Variants in ITFG1 observed in about 807,000 individuals in gnomAD.
The protein encoded by ITFG1 is integrin alpha FG-GAP repeat containing 1.
A neutral mutation model predicts 81.8 loss-of-function variants in ITFG1; 34 were observed. The ratio of observed to expected loss-of-function variants is 0.42; its 90% CI spans 0.32 to 0.55. The LOEUF (loss-of-function observed/expected upper bound fraction) is 0.55, where lower values mean the gene tolerates loss of function less well. ITFG1 is among the 20% of genes least tolerant of loss of function. The pLI is 0.17. For synonymous variants in ITFG1, 285 were observed against 270.6 expected (o/e 1.05, Z -0.52); for missense variants, 672 against 755.4 (o/e 0.89, Z 1.29).
rs758248361 is a variant in ITFG1, at chr16:47,155,741, C to T, written c.1817G>A (p.Arg606Gln). Residue 606 changes from arginine (R) to glutamine (Q), a missense_variant, in exon 18 of 18, where the codon CGG becomes CAG. Transcript: ENST00000320640. The stretch of plus-strand genomic sequence containing the variant: ...AAGTCACATAGCATCAAAATGAAAC[C>T]GGTGGGCTTCTTGTCGTTTTTCTCT... ...DDREKRQEAH[R>Q]FHFDAM 13 of 1,605,784 alleles carry T rather than the reference C, an allele frequency of 8.1e-6. No individual in the cohort carries two copies. The highest frequency in any genetic ancestry group is 1.0e-5 in the Non-Finnish European group (12 of 1,175,806).
intron 14 of ITFG1, among the ~76,000 whole-genome samples, chr16:47,173,568 T>A (rs1295925972): frequency 6.6e-6 from 1 of 152,194 alleles, no homozygotes; most frequent in Non-Finnish European, 1.5e-5. Context: ...ACATCACGAT[T>A]GTCTACCAAA....
intron 5 of ITFG1, among the ~76,000 whole-genome samples, chr16:47,438,589 C>A (rs1002820241): frequency 3.3e-5 from 5 of 152,176 alleles, no homozygotes; most frequent in Non-Finnish European, 7.3e-5. Flanking sequence ...TGGAGTGGAC[C>A]TCTAGTAAAT....
intron 14 of ITFG1, among the ~76,000 whole-genome samples, chr16:47,172,385 G>A (rs1488325152): frequency 6.6e-6 from 1 of 152,198 alleles, no homozygotes; most frequent in Non-Finnish European, 1.5e-5. Context: ...CTACTCGGGA[G>A]GCTGTGGCAG....
At chr16:47,238,219 C>T (rs925317398) in intron 12 of ITFG1, 2 of 443,772 alleles carry the variant, frequency 4.5e-6, no homozygotes, top group Non-Finnish European at 8.1e-6. Flanking sequence ...CAAGATGCTA[C>T]TATTTTGTGA....
At chr16:47,446,544 A>C (rs1350059582) in intron 5 of ITFG1, among the ~76,000 whole-genome samples, 1 of 152,178 alleles carries the variant, frequency 6.6e-6, no homozygotes, top group Non-Finnish European at 1.5e-5. Context: ...AGGCAAATAC[A>C]GTGGAAGAAC....
At chr16:47,447,516 C>T (rs762725795) in intron 5 of ITFG1, among the ~76,000 whole-genome samples, 1 of 152,014 alleles carries the variant, frequency 6.6e-6, no homozygotes, top group Non-Finnish European at 1.5e-5. Context: ...AGGTAATTAA[C>T]TTTTAAATTT....
intron 13 of ITFG1, among the ~76,000 whole-genome samples, chr16:47,224,014 A>G (rs1251017148): frequency 7.1e-6 from 1 of 141,640 alleles, no homozygotes; most frequent in African/African-American, 2.6e-5. Context: ...GAATTGAACA[A>G]TGAGAACACA....
intron 13 of ITFG1, among the ~76,000 whole-genome samples, chr16:47,230,660 A>T (rs949418407): frequency 1.4e-4 from 22 of 152,224 alleles, no homozygotes; most frequent in African/African-American, 5.3e-4. Context: ...CACAGCTGGC[A>T]CGCTGATTTT....
intron 10 of ITFG1, among the ~76,000 whole-genome samples, chr16:47,265,652 A>G (rs1966267666): frequency 1.3e-5 from 2 of 152,208 alleles, no homozygotes; most frequent in South Asian, 4.1e-4. Context: ...TTTCTAATGA[A>G]TAAATCAACA....
intron 10 of ITFG1, among the ~76,000 whole-genome samples, chr16:47,308,188 G>T (rs1452877701): frequency 2.0e-5 from 3 of 152,130 alleles, no homozygotes; most frequent in Non-Finnish European, 2.9e-5. Context: ...GGGTCGAATG[G>T]CAGTTCTAAG....
intron 13 of ITFG1, 151 bp downstream of exon 13, chr16:47,237,814 C>T: frequency 1.9e-6 from 1 of 537,882 alleles, no homozygotes; most frequent in Non-Finnish European, 3.3e-6. Context: ...AGGTACTTTA[C>T]TTTCAGCACA....
At chr16:47,351,215 A>T (rs1377462561) in intron 8 of ITFG1, among the ~76,000 whole-genome samples, 1 of 152,188 alleles carries the variant, frequency 6.6e-6, no homozygotes. Context: ...GGCCAGGGCA[A>T]TTAGGCAGGA....
chr16:47,223,099 G>C (rs1006672148), intron 13 of ITFG1, among the ~76,000 whole-genome samples: 1 of 151,356 alleles, frequency 6.6e-6, no homozygotes, highest in African/African-American at 2.4e-5. Context: ...ATGGATTAAA[G>C]ACTTAAACAT....
chr16:47,345,567 G>A (rs1001544290), intron 8 of ITFG1, among the ~76,000 whole-genome samples: 4 of 152,102 alleles, frequency 2.6e-5, no homozygotes, highest in Admixed American at 6.5e-5. Flanking sequence ...CAAAAGTGCT[G>A]GAATTACAGG....
intron 13 of ITFG1, among the ~76,000 whole-genome samples, chr16:47,232,727 T>C (rs577272127): frequency 1.4e-4 from 22 of 151,906 alleles, no homozygotes; most frequent in African/African-American, 5.1e-4. Flanking sequence ...CTGCAGCCTC[T>C]ACCTCCCCAG....
chr16:47,159,103 T>C, intron 16 of ITFG1, 113 bp from the exon 17 acceptor site: 1 of 475,746 alleles, frequency 2.1e-6, no homozygotes, highest in Non-Finnish European at 3.7e-6. Flanking sequence ...ATGTATTCAT[T>C]AAACCATTCA....
At chr16:47,456,139 A>G (rs533489956) in intron 2 of ITFG1, among the ~76,000 whole-genome samples, 14 of 152,194 alleles carry the variant, frequency 9.2e-5, no homozygotes, top group Middle Eastern at 3.4e-3. Context: ...TTAGGTGCCT[A>G]CAGTGAGCTA....
At chr16:47,238,044 A>C (rs550382962) in intron 12 of ITFG1, 36 bp from the exon 13 acceptor site, 20 of 1,252,214 alleles carry the variant, frequency 1.6e-5, no homozygotes, top group Middle Eastern at 2.0e-4. Context: ...TTACTATTAT[A>C]AGTTTATATT....
At chr16:47,352,773 A>G (rs945519497) in intron 8 of ITFG1, among the ~76,000 whole-genome samples, 6 of 152,126 alleles carry the variant, frequency 3.9e-5, no homozygotes, top group Non-Finnish European at 8.8e-5. Flanking sequence ...GTTTATTGCG[A>G]CACTATTCAC....
Sources: gnomAD v4.1 joint callset for allele counts (sites outside exome capture counted in the v4.1 genomes callset) on GRCh38, gnomAD v4.1.1 for gene constraint, MANE v1.5 for transcripts, NCBI Gene and HGNC (gene_info 2026-07-23, HGNC 2026-07-21) for gene names.